Variants in PIK3C2G observed in about 807,000 individuals in gnomAD.
PIK3C2G encodes phosphatidylinositol-4-phosphate 3-kinase catalytic subunit type 2 gamma.
PIK3C2G carries 168 observed loss-of-function variants against 181.1 expected under a neutral mutation model. The ratio of observed to expected loss-of-function variants is 0.93; its 90% confidence interval spans 0.82 to 1.05. The LOEUF (loss-of-function observed/expected upper bound fraction) is 1.05, where lower values mean the gene tolerates loss of function less well. Ranked by LOEUF, PIK3C2G falls within the 50% of genes least tolerant of loss-of-function variation. The pLI is 0.00. For missense variants in PIK3C2G, 1,869 were observed against 1,732.8 expected (o/e 1.08, Z -1.40); for synonymous variants, 573 against 592.2 (o/e 0.97, Z 0.47).
At chr12:18,463,302 T>A (rs1592323668) in intron 18 of PIK3C2G, among the ~76,000 whole-genome samples, 1 of 152,210 alleles carries the variant, frequency 6.6e-6, no homozygotes, top group Admixed American at 6.5e-5. Context: ...ACATATCTAA[T>A]GGAAATTATA....
chr12:18,492,224 CA>C (rs1940634843), intron 20 of PIK3C2G, among the ~76,000 whole-genome samples: 1 of 152,042 alleles, frequency 6.6e-6, no homozygotes, highest in African/African-American at 2.4e-5. Context: ...AAGACACTAA[CA>C]GAGAAAATTA....
chr12:18,379,675 G>A (rs755797520), intron 13 of PIK3C2G, among the ~76,000 whole-genome samples: 13 of 152,140 alleles, frequency 8.5e-5, no homozygotes, highest in East Asian at 1.9e-4. Flanking sequence ...TTAAGCTGAC[G>A]GATGCTTGTT....
chr12:18,598,424 G>T (rs1490659262), intron 30 of PIK3C2G, among the ~76,000 whole-genome samples: 4 of 151,566 alleles, frequency 2.6e-5, no homozygotes, highest in African/African-American at 7.3e-5. Context: ...AATAAATGGT[G>T]CTGGGAAAAC....
At chr12:18,574,209 C>G (rs1946118504) in intron 29 of PIK3C2G, among the ~76,000 whole-genome samples, 1 of 152,138 alleles carries the variant, frequency 6.6e-6, no homozygotes, top group African/African-American at 2.4e-5. Context: ...AGTGATTTAT[C>G]TGAAACATTA....
In PIK3C2G at chr12:18,505,392, C is replaced by T. The variant is rs560894742; in HGVS notation, c.3254C>T (p.Ser1085Leu). The T allele has an allele frequency of 2.2e-5, 36 of 1,613,184 alleles. No individual in the cohort carries two copies. The highest frequency in any genetic ancestry group is 6.6e-5 in the South Asian group (6 of 90,900). The change falls in exon 24 of 33, where the codon TCG becomes TTG. Residue 1085 changes from serine to leucine, a missense_variant. By Grantham distance (145) the Ser-to-Leu change is moderately radical. Transcript: ENST00000538779. ...AATGATAATATCATGCTGACAAAGT[C>T]GGGCCACATGTTTCATATTGACTTT... is the stretch of plus-strand genomic sequence containing the variant. ...RHNDNIMLTK[S>L]GHMFHIDFGK...
At chr12:18,340,453 T>C (rs1307771513) in intron 9 of PIK3C2G, among the ~76,000 whole-genome samples, 1 of 152,200 alleles carries the variant, frequency 6.6e-6, no homozygotes, top group Non-Finnish European at 1.5e-5. Context: ...TGAAAACAAC[T>C]ATTTTGATGA....
intron 30 of PIK3C2G, among the ~76,000 whole-genome samples, chr12:18,604,206 T>A (rs1437669793): frequency 6.6e-6 from 1 of 152,166 alleles, no homozygotes; most frequent in Non-Finnish European, 1.5e-5. Flanking sequence ...AAAAGGCATT[T>A]CATGCAAATG....
intron 11 of PIK3C2G, 106 bp downstream of exon 11, chr12:18,346,942 T>C: frequency 1.5e-6 from 1 of 652,480 alleles, no homozygotes; most frequent in East Asian, 3.1e-5. Flanking sequence ...TTCATAAAAT[T>C]TTGGAATTAA....
chr12:18,630,373 C>G (rs73070257), intron 31 of PIK3C2G, among the ~76,000 whole-genome samples: 5,284 of 152,180 alleles, frequency 0.035, 99 homozygotes, highest in Middle Eastern at 0.065. Context: ...GCCCGGGTAA[C>G]AGAGCGGGAT....
At chr12:18,548,206 C>T (rs755091458) in intron 26 of PIK3C2G, among the ~76,000 whole-genome samples, 5 of 151,810 alleles carry the variant, frequency 3.3e-5, no homozygotes, top group Non-Finnish European at 7.4e-5. Context: ...CAATGATTGA[C>T]ATGTCAGTGG....
the PIK3C2G span, among the ~76,000 whole-genome samples, chr12:18,712,674 A>G: frequency 6.6e-6 from 1 of 152,182 alleles, no homozygotes; most frequent in Non-Finnish European, 1.5e-5. Flanking sequence ...ACTTTGATAA[A>G]TCTACCTTTA....
upstream of PIK3C2G, among the ~76,000 whole-genome samples, chr12:18,261,354 T>A (rs1948226475): frequency 6.6e-6 from 1 of 152,178 alleles, no homozygotes; most frequent in Non-Finnish European, 1.5e-5. Flanking sequence ...AATCCTCTAT[T>A]CATTATGTCA....
At chr12:18,304,065 T>C (rs1950320081) in intron 5 of PIK3C2G, among the ~76,000 whole-genome samples, 1 of 152,138 alleles carries the variant, frequency 6.6e-6, no homozygotes, top group African/African-American at 2.4e-5. Context: ...ATTAGAATGA[T>C]CTTCTTATCT....
intron 31 of PIK3C2G, among the ~76,000 whole-genome samples, chr12:18,615,131 C>T (rs920517960): frequency 6.6e-6 from 1 of 152,018 alleles, no homozygotes; most frequent in African/African-American, 2.4e-5. Context: ...CCCACCCTTC[C>T]CCCCAAGTCC....
At chr12:18,434,256 G>C (rs1359814097) in intron 18 of PIK3C2G, among the ~76,000 whole-genome samples, 1 of 152,130 alleles carries the variant, frequency 6.6e-6, no homozygotes, top group Non-Finnish European at 1.5e-5. Flanking sequence ...ATTCATGAGT[G>C]AATAGATCCT....
intron 1 of PIK3C2G, among the ~76,000 whole-genome samples, chr12:18,266,810 C>T (rs1173324806): frequency 6.6e-6 from 1 of 151,678 alleles, no homozygotes; most frequent in Non-Finnish European, 1.5e-5. Context: ...CTCCTCTCGT[C>T]CTCTCTCCCT....
chr12:18,723,469 C>T, the PIK3C2G span: 2 of 1,613,066 alleles, frequency 1.2e-6, no homozygotes, highest in Non-Finnish European at 1.7e-6. Flanking sequence ...AATTTCTTCT[C>T]TGTGCGTGAT....
At chr12:18,380,468 T>G (rs910186773) in intron 13 of PIK3C2G, among the ~76,000 whole-genome samples, 1 of 152,202 alleles carries the variant, frequency 6.6e-6, no homozygotes, top group African/African-American at 2.4e-5. Flanking sequence ...GATGGGGATT[T>G]GGCCATTTGG....
intron 18 of PIK3C2G, among the ~76,000 whole-genome samples, chr12:18,465,846 T>C (rs1189607006): frequency 6.6e-6 from 1 of 151,752 alleles, no homozygotes; most frequent in Non-Finnish European, 1.5e-5. Flanking sequence ...TCAACTTTTA[T>C]TGCTTGGGAT....
Sources: allele counts gnomAD v4.1 joint callset (sites outside exome capture counted in the v4.1 genomes callset), GRCh38; gene constraint gnomAD v4.1.1; transcripts MANE v1.5; gene names NCBI Gene and HGNC (gene_info 2026-07-23, HGNC 2026-07-21).